RSU1: variants seen among roughly 807,000 people sequenced by gnomAD.
RSU1 encodes the protein Ras suppressor protein 1, also known as rsu-1.
In RSU1, 26 loss-of-function variants were observed where a neutral mutation model predicts 31.1. That is an observed-to-expected ratio of 0.84 (90% CI 0.61 to 1.16). The LOEUF is 1.16. Among genes scored for constraint, RSU1 ranks in the 50% most tolerant of loss-of-function variants. The probability of loss-of-function intolerance (pLI) is 0.00; values close to 1 mark genes in which losing one functional copy is unlikely to be tolerated. For synonymous variants in RSU1, 164 were observed against 136.3 expected, an observed-to-expected ratio of 1.20 and a Z score of -1.41; for missense variants, 320 against 339.1, an observed-to-expected ratio of 0.94 and a Z score of 0.44.
At chr10:16,776,904 G>T (rs559501603) in intron 3 of RSU1, among the ~76,000 whole-genome samples, 157 of 151,380 alleles carry the variant, frequency 1.0e-3, no homozygotes, top group African/African-American at 3.6e-3. Context: ...TGGACATAAG[G>T]TCATATTTTT....
At position 16,817,067 on chromosome 10, in the gene RSU1, CAG is replaced by C. The variant is rs763848873; in HGVS notation, c.13_14del (p.Leu5GlufsTer19). 2 of 1,613,758 alleles carry C rather than the reference CAG, an allele frequency of 1.2e-6. No individual in the cohort carries two copies. The highest frequency in any genetic ancestry group is 2.7e-5 in the African/African-American group (2 of 75,052). MSKS[L>X]KKLVEESREK... ...CCCGGCTCTCCTCCACCAACTTCTT[CAG>C]AGACTTGGACATGGTCTGCACCGAA... is the stretch of plus-strand genomic sequence containing the variant. On this transcript the variant is annotated frameshift_variant, in exon 2 of 9. Transcript: ENST00000345264. LOFTEE classifies it high-confidence loss of function.
chr10:16,594,269 G>A (rs1397470070), intron 8 of RSU1, among the ~76,000 whole-genome samples: 1 of 152,204 alleles, frequency 6.6e-6, no homozygotes, highest in Admixed American at 6.5e-5. Context: ...CGGCTCCACA[G>A]CCCGCAGTTG....
intron 8 of RSU1, among the ~76,000 whole-genome samples, chr10:16,654,601 T>G (rs1588696940): frequency 6.8e-6 from 1 of 146,116 alleles, no homozygotes. Context: ...ACCCGGGAGG[T>G]GGAGGTTGCA....
chr10:16,709,569 A>C lies in RSU1; in HGVS notation c.599-14414T>G, dbSNP rs575464167. Among the ~76,000 whole-genome samples the C allele has an allele frequency of 2.6e-5, 4 of 152,324 alleles. No individual in the cohort carries two copies. The South Asian group carries it at 8.3e-4, about 32-fold the overall frequency. The stretch of plus-strand genomic sequence containing the variant: ...AGTTCTAGATCCCTGAGGAATCCCC[A>C]CACTGACTTCCACAATAGTTGAACT... On this transcript the variant is annotated intron_variant, in intron 7 of 8. Coordinates refer to ENST00000345264, the MANE Select transcript of RSU1 (RefSeq NM_012425.4).
chr10:16,762,329 C>T (rs9919513), intron 4 of RSU1, among the ~76,000 whole-genome samples: 60,430 of 150,536 alleles, frequency 0.4, 16,060 homozygotes, highest in African/African-American at 0.76. Context: ...ATAATGTGTA[C>T]ATATATTTCA....
intron 4 of RSU1, 21 bp from the exon 5 acceptor site, chr10:16,755,010 T>G (rs751012081): frequency 2.7e-6 from 4 of 1,493,844 alleles, no homozygotes; most frequent in Middle Eastern, 2.2e-4. Context: ...GGGACAAAAA[T>G]CTATGTCATG....
chr10:16,792,661 T>C (rs3824633), intron 2 of RSU1, among the ~76,000 whole-genome samples: 27,954 of 152,302 alleles, frequency 0.18, 2,654 homozygotes, highest in African/African-American at 0.22. Context: ...TGCAAGATTC[T>C]ACAAGTTGCA....
At chr10:16,699,617 G>A (rs536749341) in intron 7 of RSU1, among the ~76,000 whole-genome samples, 1 of 152,362 alleles carries the variant, frequency 6.6e-6, no homozygotes, top group East Asian at 1.9e-4. Flanking sequence ...TTAGAAGGCT[G>A]AGCGGCGCTC....
At chr10:16,758,972 C>T (rs1274190734) in intron 4 of RSU1, among the ~76,000 whole-genome samples, 1 of 152,112 alleles carries the variant, frequency 6.6e-6, no homozygotes, top group Non-Finnish European at 1.5e-5. Context: ...TGGGCAAATG[C>T]CTGCATATGA....
rs1249456381 is a variant in RSU1, at chr10:16,817,339, T to C, written c.-28A>G. The C allele has an allele frequency of 1.1e-4, 49 of 446,180 alleles. No individual in the cohort carries two copies. Among genetic ancestry groups the C allele is most frequent in the Non-Finnish European group, 5.7e-5 (14 of 245,002 alleles). 27.6% of individuals were successfully genotyped at this position (446,180 alleles called of 1,614,324 possible). The stretch of plus-strand genomic sequence containing the variant: ...CCACGGAAGGTAGCCCCTAAGACGA[T>C]GGGCGTGCAACCACAAGCTTCGGCA... On this transcript the variant is annotated 5_prime_UTR_variant, in exon 1 of 9. Transcript: ENST00000345264.
At chr10:16,667,058 A>C (rs958250091) in intron 8 of RSU1, among the ~76,000 whole-genome samples, 3 of 152,074 alleles carry the variant, frequency 2.0e-5, no homozygotes, top group Non-Finnish European at 4.4e-5. Flanking sequence ...AACAACAAAA[A>C]ACAAAGAAAA....
intron 8 of RSU1, among the ~76,000 whole-genome samples, chr10:16,604,309 C>T (rs1276370541): frequency 6.6e-6 from 1 of 152,170 alleles, no homozygotes; most frequent in Non-Finnish European, 1.5e-5. Context: ...CGACTATAAG[C>T]AGACCAGGGA....
intron 8 of RSU1, among the ~76,000 whole-genome samples, chr10:16,600,977 G>A (rs1181021793): frequency 3.9e-5 from 6 of 152,224 alleles, no homozygotes; most frequent in South Asian, 2.1e-4. Context: ...CCCACCCCGC[G>A]GAGCCATTCA....
intron 7 of RSU1, 53 bp downstream of exon 7, chr10:16,752,486 G>A: frequency 7.5e-7 from 1 of 1,328,138 alleles, no homozygotes; most frequent in Non-Finnish European, 1.1e-6. Flanking sequence ...GCTACATTAG[G>A]ATAATTGTTA....
chr10:16,670,931 A>AT (rs1280177538), intron 8 of RSU1, among the ~76,000 whole-genome samples: 3 of 151,824 alleles, frequency 2.0e-5, no homozygotes, highest in Non-Finnish European at 2.9e-5. Context: ...CGCCCGGCTA[A>AT]TTTTTTGTAT....
chr10:16,612,452 G>C (rs1444255061), intron 8 of RSU1, among the ~76,000 whole-genome samples: 1 of 152,130 alleles, frequency 6.6e-6, no homozygotes, highest in Non-Finnish European at 1.5e-5. Context: ...TCTGTCCATG[G>C]TCCTGAACAG....
intron 7 of RSU1, among the ~76,000 whole-genome samples, chr10:16,710,140 T>C (rs1049980345): frequency 6.6e-6 from 1 of 152,224 alleles, no homozygotes; most frequent in African/African-American, 2.4e-5. Context: ...TGATGTCAGC[T>C]GTGGGTTTTT....
chr10:16,786,602 AAC>A (rs1466814016), intron 2 of RSU1, among the ~76,000 whole-genome samples: 1 of 152,090 alleles, frequency 6.6e-6, no homozygotes, highest in Non-Finnish European at 1.5e-5. Context: ...GCTAGGGAAT[AAC>A]ACACTCCTAA....
intron 3 of RSU1, among the ~76,000 whole-genome samples, chr10:16,765,498 GT>G (rs1426132600): frequency 1.3e-5 from 2 of 152,110 alleles, no homozygotes. Flanking sequence ...GACCTGAAAG[GT>G]TCCTCCTTCC....
Sources: allele counts gnomAD v4.1 joint callset (sites outside exome capture counted in the v4.1 genomes callset), GRCh38; gene constraint gnomAD v4.1.1; transcripts MANE v1.5; gene names NCBI Gene and HGNC (gene_info 2026-07-23, HGNC 2026-07-21).